The following TRRAP variants were observed in gnomAD, a reference collection of about 807,000 sequenced individuals.
TRRAP encodes transformation/transcription domain associated protein.
Under a neutral mutation model 438.8 loss-of-function variants are expected in TRRAP, and 41 were observed. That is an observed-to-expected ratio of 0.09 (90% CI 0.07 to 0.12). TRRAP has a LOEUF of 0.12. Among genes scored for constraint, TRRAP ranks in the 10% least tolerant of loss-of-function variants. The pLI, the probability that TRRAP is intolerant of heterozygous loss-of-function variation, is 1.00. For synonymous variants in TRRAP, 1,994 were observed against 1,962.9 expected, an observed-to-expected ratio of 1.02 and a Z score of -0.42; for missense variants, 3,122 against 5,055.1, an observed-to-expected ratio of 0.62 and a Z score of 11.60.
intron 52 of TRRAP, 29 bp from the exon 53 acceptor site, chr7:98,971,770 T>A (rs1792429431): frequency 6.2e-7 from 1 of 1,606,602 alleles, no homozygotes; most frequent in South Asian, 1.1e-5. Context: ...CTTTGACCTT[T>A]TGGTTTTGCT....
chr7:98,955,757 C>T (rs1221766214), intron 41 of TRRAP, among the ~76,000 whole-genome samples: 1 of 152,176 alleles, frequency 6.6e-6, no homozygotes, highest in Non-Finnish European at 1.5e-5. Flanking sequence ...GAGTTGAAAG[C>T]AAATTCTTTT....
chr7:98,927,050 C>A, intron 22 of TRRAP, 117 bp from the exon 23 acceptor site: 1 of 1,128,676 alleles, frequency 8.9e-7, no homozygotes, highest in Non-Finnish European at 1.3e-6. Flanking sequence ...GATAAATTAC[C>A]CAGGCCTGTC....
At chr7:98,909,477 C>T (rs1554408195) in intron 14 of TRRAP, among the ~76,000 whole-genome samples, 1 of 152,206 alleles carries the variant, frequency 6.6e-6, no homozygotes, top group Non-Finnish European at 1.5e-5. Context: ...TGATATCTGC[C>T]TCATAGGATC....
chr7:98,943,181 A>G (rs1554416074), intron 31 of TRRAP, among the ~76,000 whole-genome samples, 164 bp downstream of exon 31: 1 of 152,180 alleles, frequency 6.6e-6, no homozygotes, highest in African/African-American at 2.4e-5. Context: ...TGTTTTGCCT[A>G]TCTTTTCTCT....
At chr7:98,941,167 G>T (rs1790779770) in intron 30 of TRRAP, among the ~76,000 whole-genome samples, 1 of 152,120 alleles carries the variant, frequency 6.6e-6, no homozygotes, top group Admixed American at 6.6e-5. Flanking sequence ...AGTCTTTTAT[G>T]TGGTTCGTTG....
At chr7:98,930,227 G>A in intron 24 of TRRAP, 21 bp downstream of exon 24, 2 of 1,612,878 alleles carry the variant, frequency 1.2e-6, no homozygotes, top group Non-Finnish European at 1.7e-6. Context: ...GTTGAGGAGT[G>A]TCTTCTGATT....
At chr7:98,916,253 C>CA (rs1357705670) in intron 19 of TRRAP, among the ~76,000 whole-genome samples, 1 of 151,762 alleles carries the variant, frequency 6.6e-6, no homozygotes, top group Non-Finnish European at 1.5e-5. Context: ...AGAATCAGAA[C>CA]AAAAAAAGAA....
At chr7:98,959,068 A>G (rs1791760135) in intron 44 of TRRAP, among the ~76,000 whole-genome samples, 1 of 152,100 alleles carries the variant, frequency 6.6e-6, no homozygotes, top group African/African-American at 2.4e-5. Flanking sequence ...GCCTCCCTGC[A>G]GTGTGCAGGG....
chr7:98,967,083 A>C lies in TRRAP; in HGVS notation c.7219A>C (p.Met2407Leu). The change falls in exon 50 of 73, where the codon ATG becomes CTG. Residue 2407 changes from methionine to leucine, a missense_variant. Around this residue, in one of 24 missense-constraint regions of TRRAP, gnomAD observed 992 missense variants for 1,281.2 expected, o/e 0.77. Coordinates refer to ENST00000456197, the MANE Select transcript of TRRAP (RefSeq NM_001375524.1). Reference protein sequence around the residue: ...REKSILLVKMMTYIEKRFPED... With the variant: ...REKSILLVKMLTYIEKRFPED... ...GAAGTCCATTTTGCTTGTGAAGATG[A>C]TGACTTACATAGAAAAACGCTTTCC... The C allele has an allele frequency of 6.2e-7, 1 of 1,614,010 alleles. No individual in the cohort carries two copies. The highest frequency in any genetic ancestry group is 1.1e-5 in the South Asian group (1 of 91,056).
chr7:98,956,153 A>G lies in TRRAP; in HGVS notation c.5945A>G (p.Tyr1982Cys). The change falls in exon 42 of 73, where the codon TAC becomes TGC. Residue 1982 changes from tyrosine (Y) to cysteine (C), a missense_variant. By Grantham distance (194) the Tyr-to-Cys change is radical. Coordinates refer to ENST00000456197, the MANE Select transcript of TRRAP (RefSeq NM_001375524.1). This position sits in a 1 kb window ranked among gnomAD's most constrained non-coding sequence, Gnocchi z 4.5. Reference sequence around the variant, plus strand: ...CTGGCCCTGCGTCCGCAGGTGTACTACCCGGTACGGCACCACTTGGTGCAG... The same window carrying G: ...CTGGCCCTGCGTCCGCAGGTGTACTGCCCGGTACGGCACCACTTGGTGCAG... ...HLIVQHFKVY[Y>C]PVRHHLVQHM... The G allele has an allele frequency of 1.9e-6, 3 of 1,611,662 alleles. No individual in the cohort carries two copies. The highest frequency in any genetic ancestry group is 2.2e-4 in the Middle Eastern group (1 of 4,626).
chr7:98,937,110 A>T, intron 28 of TRRAP, 46 bp from the exon 29 acceptor site: 2 of 1,553,692 alleles, frequency 1.3e-6, no homozygotes, highest in Non-Finnish European at 1.7e-6. Context: ...TTATTTGGGC[A>T]TCTTTCCAGT....
chr7:98,992,345 C>T, intron 65 of TRRAP, 118 bp downstream of exon 65: 2 of 1,039,726 alleles, frequency 1.9e-6, no homozygotes, highest in Non-Finnish European at 2.9e-6. Flanking sequence ...TAGCCGTGGC[C>T]AATCTCTCCT....
chr7:98,980,806 C>A (rs1434491287), intron 58 of TRRAP, among the ~76,000 whole-genome samples: 1 of 152,244 alleles, frequency 6.6e-6, no homozygotes, highest in Non-Finnish European at 1.5e-5. Flanking sequence ...GTGATCCCAA[C>A]GCTTTGGGAG....
At chr7:98,986,744 C>A (rs1791702680) in intron 62 of TRRAP, among the ~76,000 whole-genome samples, 1 of 152,102 alleles carries the variant, frequency 6.6e-6, no homozygotes, top group South Asian at 2.1e-4. Context: ...GTTGCTCATA[C>A]TTTTCACGTC....
intron 58 of TRRAP, among the ~76,000 whole-genome samples, chr7:98,979,330 T>C (rs1792809493): frequency 6.6e-6 from 1 of 152,208 alleles, no homozygotes; most frequent in African/African-American, 2.4e-5. Flanking sequence ...CGGTGTAGTA[T>C]TGCATGTAAT....
intron 26 of TRRAP, among the ~76,000 whole-genome samples, chr7:98,932,781 G>A (rs1220263636): frequency 4.6e-5 from 7 of 151,974 alleles, no homozygotes; most frequent in Admixed American, 1.3e-4. Context: ...TTCTTGTCAC[G>A]TTATTTTTTA....
intron 47 of TRRAP, among the ~76,000 whole-genome samples, chr7:98,963,027 C>T (rs147034666): frequency 6.6e-6 from 1 of 152,172 alleles, no homozygotes; most frequent in African/African-American, 2.4e-5. Flanking sequence ...TTGGGTGAAA[C>T]TTTGAAAATA....
intron 67 of TRRAP, chr7:98,999,223 C>T: frequency 1.6e-6 from 2 of 1,284,262 alleles, no homozygotes; most frequent in South Asian, 1.2e-5. Flanking sequence ...AGGCTTCACT[C>T]CAAGAAGTAC....
chr7:98,959,233 A>C (rs1365327613), intron 44 of TRRAP, 111 bp from the exon 45 acceptor site: 4 of 1,433,818 alleles, frequency 2.8e-6, no homozygotes, highest in Non-Finnish European at 3.8e-6. Context: ...CTGTGAGGTG[A>C]AGATCTGAGA....
Sources: allele counts gnomAD v4.1 joint callset (sites outside exome capture counted in the v4.1 genomes callset), GRCh38; gene constraint gnomAD v4.1.1; regional missense constraint gnomAD v4.1.1; non-coding constraint Gnocchi (gnomAD v3.1); transcripts MANE v1.5; gene names NCBI Gene and HGNC (gene_info 2026-07-23, HGNC 2026-07-21).